Variants in DNAJC18 observed in about 807,000 individuals in gnomAD.
DNAJC18 encodes the protein DnaJ heat shock protein family (Hsp40) member C18, also known as dnaJ homolog subfamily C member 18.
Under a neutral mutation model 48.6 loss-of-function variants are expected in DNAJC18, and 40 were observed. The ratio of observed to expected loss-of-function variants is 0.82; its 90% confidence interval spans 0.64 to 1.07. The LOEUF (loss-of-function observed/expected upper bound fraction) is 1.07. DNAJC18 is among the 50% of genes least tolerant of loss of function. DNAJC18 has a pLI of 0.00. For synonymous variants in DNAJC18, 135 were observed against 152.2 expected (o/e 0.89, Z 0.83); for missense variants, 340 against 427.7 (o/e 0.79, Z 1.81).
chr5:139,434,113 A>C (rs1217184059), intron 2 of DNAJC18, among the ~76,000 whole-genome samples: 2 of 152,056 alleles, frequency 1.3e-5, no homozygotes, highest in Non-Finnish European at 2.9e-5. Context: ...CTGGTCTCAA[A>C]CTTCTGAGCC....
intron 7 of DNAJC18, among the ~76,000 whole-genome samples, chr5:139,415,990 A>T (rs543532213): frequency 3.2e-4 from 48 of 152,318 alleles, no homozygotes; most frequent in South Asian, 1.7e-3. Flanking sequence ...TTTTCTCAAA[A>T]TATCACATTG....
At chr5:139,418,242 C>G (rs1367575753) in intron 7 of DNAJC18, among the ~76,000 whole-genome samples, 1 of 152,084 alleles carries the variant, frequency 6.6e-6, no homozygotes, top group Non-Finnish European at 1.5e-5. Flanking sequence ...GTGATCACAG[C>G]TCACTGCAGC....
intron 4 of DNAJC18, 84 bp downstream of exon 4, chr5:139,426,088 C>G: frequency 7.0e-7 from 1 of 1,418,692 alleles, no homozygotes; most frequent in Non-Finnish European, 9.7e-7. Context: ...ACCATTGTAC[C>G]TCTATTCAGA....
Position 139,428,628 on chromosome 5 carries a change from C to G in DNAJC18, c.283G>C (p.Asp95His). Residue 95 changes from aspartate to histidine, a missense_variant, in exon 3 of 8, where the codon GAC becomes CAC. Transcript: ENST00000302060. Reference sequence around the variant, plus strand: ...CTGTAAGCTTTCTTAAGCTCTTCGTCACTAGCATCTCGAGAAACTCCCAGA... The same window carrying G: ...CTGTAAGCTTTCTTAAGCTCTTCGTGACTAGCATCTCGAGAAACTCCCAGA... The part of the protein sequence containing the change: ...EILGVSRDAS[D>H]EELKKAYRKL... 3 of 1,613,766 alleles carry G rather than the reference C, an allele frequency of 1.9e-6. No homozygotes were observed. The highest frequency in any genetic ancestry group is 2.5e-6 in the Non-Finnish European group (3 of 1,179,926).
At chr5:139,419,973 A>G in intron 7 of DNAJC18, 80 bp downstream of exon 7, 2 of 1,355,850 alleles carry the variant, frequency 1.5e-6, no homozygotes, top group Admixed American at 2.7e-5. Flanking sequence ...AAACAAGAAG[A>G]GAGGAGGGAT....
At chr5:139,435,774 G>A (rs903991316) in intron 2 of DNAJC18, among the ~76,000 whole-genome samples, 1 of 133,594 alleles carries the variant, frequency 7.5e-6, no homozygotes, top group Non-Finnish European at 1.5e-5. Context: ...GAGTGCAGTG[G>A]TGCTCACTGT....
intron 3 of DNAJC18, among the ~76,000 whole-genome samples, chr5:139,426,851 T>TCACACA (rs150809523): frequency 4.0e-5 from 6 of 151,178 alleles, no homozygotes; most frequent in African/African-American, 1.5e-4. Flanking sequence ...TGAGACTTTG[T>TCACACA]CACACACACA....
chr5:139,427,990 C>A (rs1759268734), intron 3 of DNAJC18, among the ~76,000 whole-genome samples: 1 of 152,198 alleles, frequency 6.6e-6, no homozygotes, highest in Non-Finnish European at 1.5e-5. Context: ...GGTGCAATCA[C>A]AGCTCACTGC....
At chr5:139,437,622 C>G in intron 1 of DNAJC18, 64 bp from the exon 2 acceptor site, 1 of 1,543,236 alleles carries the variant, frequency 6.5e-7, no homozygotes, top group Non-Finnish European at 8.7e-7. Context: ...TGCAACCTGC[C>G]TTTCCTCTCT....
intron 6 of DNAJC18, 174 bp from the exon 7 acceptor site, chr5:139,420,399 T>A: frequency 1.6e-6 from 1 of 616,504 alleles, no homozygotes; most frequent in Non-Finnish European, 2.6e-6. Flanking sequence ...TATAACATCA[T>A]CATAATTGTA....
intron 5 of DNAJC18, among the ~76,000 whole-genome samples, chr5:139,423,744 A>G (rs1759189409): frequency 6.7e-6 from 1 of 149,980 alleles, no homozygotes; most frequent in South Asian, 2.1e-4. Context: ...GCAAATTTCC[A>G]AAATCCAAAA....
chr5:139,439,388 C>T lies in DNAJC18; in HGVS notation c.40+18G>A. ...CCCGAAGGCCGCCCTATCCCTCCTT[C>T]AGGCGGGGACCTAGTACCTTCCGTC... On this transcript the variant is annotated intron_variant, in intron 1 of 7. Coordinates refer to ENST00000302060, the MANE Select transcript of DNAJC18 (RefSeq NM_152686.4). This position sits in a 1 kb window ranked among gnomAD's most constrained non-coding sequence, Gnocchi z 4.1. The T allele has an allele frequency of 5.0e-6, 8 of 1,614,176 alleles. No individual in the cohort carries two copies. Among genetic ancestry groups the T allele is most frequent in the Non-Finnish European group, 5.9e-6 (7 of 1,180,030 alleles).
rs1306705467 is a variant in DNAJC18, at chr5:139,411,499, G to T, written c.*2649C>A. The T allele has an allele frequency of 6.6e-6, 1 of 152,208 alleles. No individual in the cohort carries two copies. Among genetic ancestry groups the T allele is most frequent in the Non-Finnish European group, 1.5e-5 (1 of 68,050 alleles). The allele number at this position is 152,208 out of a possible 1,614,324, so 9.4% of individuals were successfully genotyped here. A position where few individuals can be genotyped will look rare whatever the true frequency, so the allele number is the denominator to read the frequency against. On this transcript the variant is annotated 3_prime_UTR_variant, in exon 8 of 8. Transcript: ENST00000302060. ...AGGAGATCTTCCAAAGGACGTAGGC[G>T]AGAGGAAAAAGCTTATTTTACCACC...
Position 139,437,461 on chromosome 5 carries a change from C to T in DNAJC18, c.138G>A (p.Lys46=), listed in dbSNP as rs115596282. The T allele has an allele frequency of 4.0e-4, 649 of 1,614,146 alleles. 2 individuals carry two copies. The African/African-American group carries it at 7.7e-3, about 19-fold the overall frequency. Residue 46 remains lysine (K), a synonymous_variant, in exon 2 of 8, where the codon AAG becomes AAA. Transcript: ENST00000302060. ...TCCACTCATTCTCAGACTTCTTTTC[C>T]TTTTGTGCCTTCATGCAGTTACAGC... ...CGCCNCMKAQ[K]EKKSENEWTQ...
rs750810681 is a variant in DNAJC18, at chr5:139,437,360, C to T, written c.227+12G>A. ...CCATAAAATCACTCATTTAATCTCA[C>T]CACATGCTCACCTTTGTACCCCAAG... On this transcript the variant is annotated intron_variant, in intron 2 of 7. Transcript: ENST00000302060. The T allele has an allele frequency of 5.6e-6, 9 of 1,595,616 alleles. No individual in the cohort carries two copies. Among genetic ancestry groups the T allele is most frequent in the Admixed American group, 1.8e-5 (1 of 56,872 alleles).
chr5:139,424,450 C>T (rs181405082), intron 5 of DNAJC18, among the ~76,000 whole-genome samples: 41 of 152,018 alleles, frequency 2.7e-4, no homozygotes, highest in African/African-American at 3.9e-4. Context: ...ATTATGAAGC[C>T]GGAGCGGTGG....
At chr5:139,414,390 T>A in intron 7 of DNAJC18, 118 bp from the exon 8 acceptor site, 2 of 1,375,684 alleles carry the variant, frequency 1.5e-6, no homozygotes, top group South Asian at 1.5e-5. Flanking sequence ...CAATTAAATA[T>A]AAGAAACATT....
In DNAJC18 at chr5:139,423,835, T is replaced by G. The variant is rs560917758; in HGVS notation, c.670-1018A>C. On this transcript the variant is annotated intron_variant, in intron 5 of 7. Coordinates refer to ENST00000302060, the MANE Select transcript of DNAJC18 (RefSeq NM_152686.4). ...GATACTCAATCTATACCAAATAACC[T>G]TTACTCTCTCTGCTGAGCAGGCTGA... is the stretch of plus-strand genomic sequence containing the variant. Among the ~76,000 whole-genome samples, 3 of 151,938 alleles carry G rather than the reference T, an allele frequency of 2.0e-5. No individual in the cohort carries two copies. In the East Asian group the frequency reaches 5.8e-4, roughly 29 times the overall value.
chr5:139,414,312 A>G (rs1342852389), intron 7 of DNAJC18, 40 bp from the exon 8 acceptor site: 6 of 1,576,274 alleles, frequency 3.8e-6, no homozygotes, highest in Non-Finnish European at 5.2e-6. Context: ...CAAGAGCTGA[A>G]CTCCTTTGTT....
Sources: gnomAD v4.1 joint callset for allele counts (sites outside exome capture counted in the v4.1 genomes callset) on GRCh38, gnomAD v4.1.1 for gene constraint, Gnocchi (gnomAD v3.1) non-coding constraint, MANE v1.5 for transcripts, NCBI Gene and HGNC (gene_info 2026-07-23, HGNC 2026-07-21) for gene names.